The following UNC45B variants were observed in gnomAD, a reference collection of about 807,000 sequenced individuals.
UNC45B encodes the protein unc-45 myosin chaperone B, also known as protein unc-45 homolog B.
A neutral mutation model predicts 98.7 loss-of-function variants in UNC45B; 78 were observed. The observed-to-expected ratio is 0.79, with a 90% CI of 0.66 to 0.95. The LOEUF is 0.95. Among genes scored for constraint, UNC45B ranks in the 40% least tolerant of loss-of-function variants. The pLI is 0.00. For synonymous variants in UNC45B, 462 were observed against 480.4 expected (o/e 0.96, Z 0.50); for missense variants, 1,225 against 1,184.9 (o/e 1.03, Z -0.50).
At chr17:35,173,514 C>G (rs1373728509) in intron 13 of UNC45B, among the ~76,000 whole-genome samples, 2 of 152,128 alleles carry the variant, frequency 1.3e-5, no homozygotes, top group Non-Finnish European at 2.9e-5. Context: ...GGGCTGGTTT[C>G]TTTGGGAGGC....
At chr17:35,167,949 G>T in intron 9 of UNC45B, 112 bp from the exon 10 acceptor site, 1 of 1,063,718 alleles carries the variant, frequency 9.4e-7, no homozygotes, top group Non-Finnish European at 1.3e-6. Context: ...ATATCACACA[G>T]CACATGAGTG....
chr17:35,181,501 C>T (rs1240278907), intron 18 of UNC45B, among the ~76,000 whole-genome samples: 3 of 152,112 alleles, frequency 2.0e-5, no homozygotes, highest in East Asian at 1.9e-4. Context: ...CCATTAAAGC[C>T]GATTAAAGGC....
intron 15 of UNC45B, among the ~76,000 whole-genome samples, 160 bp downstream of exon 15, chr17:35,176,194 T>C (rs2092232325): frequency 6.6e-6 from 1 of 152,196 alleles, no homozygotes; most frequent in Admixed American, 6.5e-5. Flanking sequence ...TGCTTGACTT[T>C]ATGCTATGAT....
Position 35,168,109 on chromosome 17 carries a change from G to T in UNC45B, c.1200G>T (p.Gln400His), listed in dbSNP as rs776558880. 9.5e-6 allele frequency: 15 copies of T among 1,576,800 alleles called. No homozygotes were observed. In the Middle Eastern group the frequency reaches 1.0e-3, roughly 107 times the overall value. Residue 400 changes from glutamine to histidine, a missense_variant, in exon 10 of 20, where the codon CAG (glutamine) becomes CAT (histidine). Physicochemically the swap from Gln to His is conservative, Grantham distance 24. Transcript: ENST00000394570. ...QDMDKNLNAI[Q>H]TVSGILQGPF... ...TGGACAAGAACTTGAATGCCATCCAGACAGTGTCAGGGATCCTGCAGGGCC... is the reference window on the plus strand; with the variant it reads ...TGGACAAGAACTTGAATGCCATCCATACAGTGTCAGGGATCCTGCAGGGCC...
At chr17:35,152,347 G>C (rs1405437848) in intron 4 of UNC45B, among the ~76,000 whole-genome samples, 1 of 152,206 alleles carries the variant, frequency 6.6e-6, no homozygotes, top group Non-Finnish European at 1.5e-5. Context: ...AGCTGGCGGA[G>C]TGAAGGATGA....
intron 3 of UNC45B, among the ~76,000 whole-genome samples, chr17:35,149,425 T>A (rs921453119): frequency 1.3e-5 from 2 of 152,142 alleles, no homozygotes; most frequent in Admixed American, 6.5e-5. Flanking sequence ...TTGTTTTGTT[T>A]TGTTTTTTTG....
chr17:35,167,167 G>A (rs8077306), intron 9 of UNC45B, among the ~76,000 whole-genome samples: 55,693 of 152,070 alleles, frequency 0.37, 10,305 homozygotes, highest in Middle Eastern at 0.42. Context: ...CGGGCATCAC[G>A]CTAGGCCTTT....
At position 35,177,609 on chromosome 17, in the gene UNC45B, C is replaced by CGGTGAGTGT; in HGVS notation, c.2255+11_2255+19dup. On this transcript the variant is annotated stop_gained and inframe_insertion and splice_region_variant, in exon 17 of 20. Transcript: ENST00000394570. LOFTEE classifies it high-confidence loss of function. Reference sequence around the variant, plus strand: ...CCTGTCTGGGCGGAGTGACAAACTCCGGTGAGTGTGGTGAGTGTGGCAGGG... The same window carrying CGGTGAGTGT: ...CCTGTCTGGGCGGAGTGACAAACTCCGGTGAGTGTGGTGAGTGTGGTGAGTGTGGCAGGG... 71 of 1,552,138 alleles carry CGGTGAGTGT rather than the reference C, an allele frequency of 4.6e-5. 1 individual carries two copies. The South Asian group carries it at 7.4e-4, about 16-fold the overall frequency.
At chr17:35,169,077 T>C (rs1258891095) in intron 10 of UNC45B, among the ~76,000 whole-genome samples, 1 of 151,962 alleles carries the variant, frequency 6.6e-6, no homozygotes, top group African/African-American at 2.4e-5. Context: ...TCCAGTGGCA[T>C]GATATTGGCT....
In UNC45B at chr17:35,186,441, A is replaced by T; in HGVS notation, c.2672A>T (p.Glu891Val). 2 of 1,614,224 alleles carry T rather than the reference A, an allele frequency of 1.2e-6. No homozygotes were observed. The highest frequency in any genetic ancestry group is 1.3e-5 in the African/African-American group (1 of 75,068). Reference protein sequence around the residue: ...AKKLVESELLEILTVVGKQEP... With the variant: ...AKKLVESELLVILTVVGKQEP... Reference sequence around the variant, plus strand: ...AAGCTGGTGGAGAGTGAGCTGCTGGAGATCCTGACTGTGGTGGGCAAACAG... The same window carrying T: ...AAGCTGGTGGAGAGTGAGCTGCTGGTGATCCTGACTGTGGTGGGCAAACAG... Residue 891 changes from glutamate (E) to valine (V), a missense_variant, in exon 20 of 20, where the codon GAG becomes GTG. Physicochemically the swap from Glu to Val is moderately radical, Grantham distance 121 (BLOSUM62 -2). Coordinates refer to ENST00000394570, the MANE Select transcript of UNC45B (RefSeq NM_001267052.2).
chr17:35,184,711 G>T (rs901532834), intron 19 of UNC45B, among the ~76,000 whole-genome samples: 3 of 151,584 alleles, frequency 2.0e-5, no homozygotes, highest in Non-Finnish European at 2.9e-5. Flanking sequence ...CAGGCTGTTA[G>T]TTGGGAAGGG....
intron 17 of UNC45B, among the ~76,000 whole-genome samples, chr17:35,179,753 G>A (rs936655273): frequency 6.6e-6 from 1 of 152,104 alleles, no homozygotes; most frequent in African/African-American, 2.4e-5. Context: ...GCCTGTTGGG[G>A]GTGGGGAGCT....
Position 35,183,444 on chromosome 17 carries a change from G to A in UNC45B, c.2391G>A (p.Leu797=), listed in dbSNP as rs142303287. 57 of 1,593,018 alleles carry A rather than the reference G, an allele frequency of 3.6e-5. No individual in the cohort carries two copies. The African/African-American group carries it at 7.1e-4, about 20-fold the overall frequency. ...VLHKEVQERF[L]ADGNDRLKLV... ...TCCCACAGGTACAGGAAAGGTTCTTGGCTGACGGGAATGACCGGCTGAAGC... is the reference window on the plus strand; with the variant it reads ...TCCCACAGGTACAGGAAAGGTTCTTAGCTGACGGGAATGACCGGCTGAAGC... Residue 797 remains leucine (L), a synonymous_variant, in exon 19 of 20, where the codon TTG becomes TTA. Coordinates refer to ENST00000394570, the MANE Select transcript of UNC45B (RefSeq NM_001267052.2).
chr17:35,156,813 A>G (rs2142540465), intron 7 of UNC45B, among the ~76,000 whole-genome samples: 1 of 152,150 alleles, frequency 6.6e-6, no homozygotes, highest in South Asian at 2.1e-4. Flanking sequence ...CTTTTTTTTT[A>G]AACCATCAAT....
chr17:35,162,260 G>A (rs1049695898), intron 8 of UNC45B, among the ~76,000 whole-genome samples: 2 of 152,162 alleles, frequency 1.3e-5, no homozygotes, highest in African/African-American at 2.4e-5. Context: ...CCGAAGGAGG[G>A]TAGTCTTGTG....
Position 35,186,646 on chromosome 17 carries a change from A to C in UNC45B, c.*87A>C. The C allele has an allele frequency of 6.8e-7, 1 of 1,465,754 alleles. No homozygotes were observed. The highest frequency in any genetic ancestry group is 2.3e-5 in the East Asian group (1 of 43,818). 90.8% of individuals were successfully genotyped at this position (1,465,754 alleles called of 1,614,324 possible). A position where few individuals can be genotyped will look rare whatever the true frequency, so the allele number is the denominator to read the frequency against. The stretch of plus-strand genomic sequence containing the variant: ...GTTCTCCTGAAGAGTCAGGTCATCT[A>C]GGGATCATAGCAGTGACAATGAAGT... On this transcript the variant is annotated 3_prime_UTR_variant, in exon 20 of 20. Transcript: ENST00000394570.
chr17:35,171,545 C>T, intron 13 of UNC45B, 83 bp downstream of exon 13: 1 of 1,535,432 alleles, frequency 6.5e-7, no homozygotes, highest in Non-Finnish European at 8.8e-7. Context: ...GGAGTGGTGT[C>T]AGGAGTGGCA....
chr17:35,163,285 A>G (rs1472648322), intron 8 of UNC45B, among the ~76,000 whole-genome samples: 4 of 152,194 alleles, frequency 2.6e-5, no homozygotes, highest in African/African-American at 9.6e-5. Flanking sequence ...TGCAATCTTC[A>G]TATGTCAGTT....
At position 35,183,487 on chromosome 17, in the gene UNC45B, G is replaced by A. The variant is rs750532284; in HGVS notation, c.2434G>A (p.Gly812Arg). 4.7e-5 allele frequency: 76 copies of A among 1,605,886 alleles called. No individual in the cohort carries two copies. The South Asian group carries it at 6.0e-4, about 13-fold the overall frequency. The change falls in exon 19 of 20, where the codon GGG becomes AGG. Residue 812 changes from glycine (G) to arginine (R), a missense_variant. Coordinates refer to ENST00000394570, the MANE Select transcript of UNC45B (RefSeq NM_001267052.2). The stretch of plus-strand genomic sequence containing the variant: ...GCTGAAGCTGGTGGTGCTGCTCTGC[G>A]GGGAGGATGATGATAAGGTGCAGAA... ...DRLKLVVLLC[G>R]EDDDKVQNAA...
Sources: gnomAD v4.1 joint callset for allele counts (sites outside exome capture counted in the v4.1 genomes callset) on GRCh38, gnomAD v4.1.1 for gene constraint, MANE v1.5 for transcripts, NCBI Gene and HGNC (gene_info 2026-07-23, HGNC 2026-07-21) for gene names.